Variants in CARMIL1 observed in about 807,000 individuals in gnomAD.
CARMIL1 encodes capping protein regulator and myosin 1 linker 1.
CARMIL1 carries 90 observed loss-of-function variants against 177.1 expected under a neutral mutation model. The ratio of observed to expected loss-of-function variants is 0.51; its 90% CI spans 0.43 to 0.61. The LOEUF (loss-of-function observed/expected upper bound fraction) is 0.61. Ranked by LOEUF, CARMIL1 falls within the 20% of genes least tolerant of loss-of-function variation. The pLI, the probability that CARMIL1 is intolerant of heterozygous loss-of-function variation, is 0.00. For synonymous variants in CARMIL1, 577 were observed against 606.2 expected (o/e 0.95, Z 0.71); for missense variants, 1,380 against 1,667.0 (o/e 0.83, Z 3.00).
chr6:25,344,922 T>C (rs1053506222), intron 2 of CARMIL1, among the ~76,000 whole-genome samples: 1 of 152,226 alleles, frequency 6.6e-6, no homozygotes, highest in Non-Finnish European at 1.5e-5. Flanking sequence ...ATTTTTCTTA[T>C]TAAATAAAAA....
intron 29 of CARMIL1, 41 bp downstream of exon 29, chr6:25,556,891 G>A: frequency 6.4e-7 from 1 of 1,568,612 alleles, no homozygotes; most frequent in African/African-American, 1.4e-5. Flanking sequence ...CCTTTTCACT[G>A]GACTGTGCCA....
In CARMIL1 at chr6:25,354,330, A is replaced by AT. The variant is rs67395838; in HGVS notation, c.139-65755dup. Among the ~76,000 whole-genome samples, 341 of 80,592 alleles carry AT rather than the reference A, an allele frequency of 4.2e-3. 13 individuals carry two copies. The highest frequency in any genetic ancestry group is 7.7e-3 in the East Asian group (26 of 3,390). The allele number at this position is 80,592 out of a possible 152,430, so 52.9% of individuals were successfully genotyped here. A position where few individuals can be genotyped will look rare whatever the true frequency, so the allele number is the denominator to read the frequency against. Reference sequence around the variant, plus strand: ...CGTAGCACCACACTTGACTAATTAAATTTTTTTTTTTTTTTTTTTTTTTTT... The same window carrying AT: ...CGTAGCACCACACTTGACTAATTAAATTTTTTTTTTTTTTTTTTTTTTTTTT... On this transcript the variant is annotated intron_variant, in intron 2 of 36. Coordinates refer to ENST00000329474, the MANE Select transcript of CARMIL1 (RefSeq NM_017640.6).
chr6:25,465,601 C>G, intron 8 of CARMIL1: 1 of 389,170 alleles, frequency 2.6e-6, no homozygotes, highest in Admixed American at 4.2e-5. Context: ...TAGGATTTCT[C>G]TCAGAGCAAG....
intron 2 of CARMIL1, among the ~76,000 whole-genome samples, chr6:25,369,544 A>G (rs1581708077): frequency 6.6e-6 from 1 of 151,726 alleles, no homozygotes; most frequent in East Asian, 1.9e-4. Context: ...ACCCCTTTCC[A>G]TCTGCCACCT....
rs1023171334 is a variant in CARMIL1, at chr6:25,314,940, T to G, written c.138+30031T>G. ...GACTTAGGGGTTATTATAGTAGGAA[T>G]GGAACTACAGAGATAGCCTTTGTCA... On this transcript the variant is annotated intron_variant, in intron 2 of 36. Coordinates refer to ENST00000329474, the MANE Select transcript of CARMIL1 (RefSeq NM_017640.6). Among the ~76,000 whole-genome samples, 6 of 152,192 alleles carry G rather than the reference T, an allele frequency of 3.9e-5. No individual in the cohort carries two copies. In the East Asian group the frequency reaches 1.2e-3, roughly 29 times the overall value.
At chr6:25,441,337 A>ATATATGTGTGTGTGTGTGTGTG in intron 5 of CARMIL1, among the ~76,000 whole-genome samples, 3 of 94,534 alleles carry the variant, frequency 3.2e-5, no homozygotes, top group African/African-American at 8.8e-5. Context: ...ATATATATAT[A>ATATATGTGTGTGTGTGTGTGTG]TGTGTGTGTG....
At chr6:25,291,649 A>T (rs1781975371) in intron 2 of CARMIL1, among the ~76,000 whole-genome samples, 2 of 150,498 alleles carry the variant, frequency 1.3e-5, no homozygotes, top group South Asian at 4.2e-4. Context: ...GTTTAAAACA[A>T]TTTTTTTTTT....
intron 2 of CARMIL1, among the ~76,000 whole-genome samples, chr6:25,325,507 T>C (rs1785004232): frequency 6.6e-6 from 1 of 152,222 alleles, no homozygotes; most frequent in Non-Finnish European, 1.5e-5. Flanking sequence ...TATGGTACTG[T>C]TTTGACTTGT....
chr6:25,404,973 G>A (rs1246496988), intron 2 of CARMIL1, among the ~76,000 whole-genome samples: 1 of 152,216 alleles, frequency 6.6e-6, no homozygotes, highest in Non-Finnish European at 1.5e-5. Flanking sequence ...ATCCTGGGTT[G>A]CTAATTTCTA....
chr6:25,599,972 C>T (rs911099463), intron 32 of CARMIL1, among the ~76,000 whole-genome samples: 9 of 151,842 alleles, frequency 5.9e-5, no homozygotes, highest in Admixed American at 2.6e-4. Context: ...TTAAGATTAC[C>T]CTTTGGAATT....
chr6:25,515,937 C>A lies in CARMIL1; in HGVS notation c.1805+90C>A. 7.6e-7 allele frequency: 1 copy of A among 1,311,236 alleles called. No homozygotes were observed. Among genetic ancestry groups the A allele is most frequent in the Non-Finnish European group, 1.0e-6 (1 of 971,152 alleles). 81.2% of individuals were successfully genotyped at this position (1,311,236 alleles called of 1,614,324 possible). On this transcript the variant is annotated intron_variant, in intron 21 of 36. Transcript: ENST00000329474. The surrounding 1 kb of genome is among the most constrained non-coding windows in gnomAD (Gnocchi z 5.0). ...TGCAGAGCTGCTGGGCCCGAGGGGA[C>A]CTGGGCTTCCCATGAGGCCATCTTG...
intron 11 of CARMIL1, 27 bp downstream of exon 11, chr6:25,472,548 A>C: frequency 6.7e-7 from 1 of 1,501,620 alleles, no homozygotes; most frequent in Non-Finnish European, 9.1e-7. Flanking sequence ...ATTATCATTG[A>C]TGCCAGAATT....
chr6:25,291,474 A>G (rs887108029), intron 2 of CARMIL1, among the ~76,000 whole-genome samples: 11 of 152,210 alleles, frequency 7.2e-5, no homozygotes, highest in Non-Finnish European at 1.5e-5. Context: ...TTGCATGACC[A>G]GTCTGTTTAA....
At chr6:25,355,035 T>C (rs900220644) in intron 2 of CARMIL1, among the ~76,000 whole-genome samples, 15 of 152,326 alleles carry the variant, frequency 9.8e-5, no homozygotes, top group Admixed American at 9.8e-4. Flanking sequence ...TGGAGGGATG[T>C]ACATCTAGAA....
chr6:25,556,876 G>A (rs370869243), intron 29 of CARMIL1, 26 bp downstream of exon 29: 7 of 1,600,366 alleles, frequency 4.4e-6, no homozygotes, highest in Non-Finnish European at 6.0e-6. Flanking sequence ...TGGTGGTACC[G>A]TTACCCTTTT....
At chr6:25,302,917 G>A (rs376931806) in intron 2 of CARMIL1, among the ~76,000 whole-genome samples, 1 of 152,086 alleles carries the variant, frequency 6.6e-6, no homozygotes, top group African/African-American at 2.4e-5. Context: ...AAAGAGTGTC[G>A]TGTCTCCCTG....
At chr6:25,318,267 C>G (rs1156723736) in intron 2 of CARMIL1, among the ~76,000 whole-genome samples, 2 of 151,976 alleles carry the variant, frequency 1.3e-5, no homozygotes, top group African/African-American at 4.8e-5. Context: ...ACTACCGCAT[C>G]CATGCTGAAA....
chr6:25,415,701 CTAAT>C (rs1562107130), intron 2 of CARMIL1, among the ~76,000 whole-genome samples: 1 of 152,086 alleles, frequency 6.6e-6, no homozygotes, highest in Non-Finnish European at 1.5e-5. Flanking sequence ...CAAAAGGTGT[CTAAT>C]TATTTTTGGT....
intron 9 of CARMIL1, 75 bp downstream of exon 9, chr6:25,466,023 A>T (rs960826134): frequency 1.8e-6 from 2 of 1,098,698 alleles, no homozygotes; most frequent in Non-Finnish European, 2.8e-6. Flanking sequence ...TGGGAAAAAA[A>T]CAATTTTTTT....
Sources: allele counts gnomAD v4.1 joint callset (sites outside exome capture counted in the v4.1 genomes callset), GRCh38; gene constraint gnomAD v4.1.1; non-coding constraint Gnocchi (gnomAD v3.1); transcripts MANE v1.5; gene names NCBI Gene and HGNC (gene_info 2026-07-23, HGNC 2026-07-21).